The following TGFBRAP1 variants were observed in gnomAD, a reference collection of about 807,000 sequenced individuals.
TGFBRAP1 encodes transforming growth factor beta receptor associated protein 1.
A neutral mutation model predicts 83.2 loss-of-function variants in TGFBRAP1; 20 were observed. That is an observed-to-expected ratio of 0.24 (90% CI 0.17 to 0.35). TGFBRAP1 has a LOEUF of 0.35. Among genes scored for constraint, TGFBRAP1 ranks in the 10% least tolerant of loss-of-function variants. The pLI, the probability that TGFBRAP1 is intolerant of heterozygous loss-of-function variation, is 1.00. For synonymous variants in TGFBRAP1, 415 were observed against 459.8 expected, an observed-to-expected ratio of 0.90 and a Z score of 1.25; for missense variants, 950 against 1,099.4, an observed-to-expected ratio of 0.86 and a Z score of 1.92.
At chr2:105,316,444 T>C (rs1678860585) in intron 1 of TGFBRAP1, among the ~76,000 whole-genome samples, 1 of 75,080 alleles carries the variant, frequency 1.3e-5, no homozygotes, top group Admixed American at 1.5e-4. Context: ...TGTGTGTGTG[T>C]GTGTGTGTGT....
At chr2:105,260,890 TCTGA>T (rs1364928900), downstream of TGFBRAP1, among the ~76,000 whole-genome samples, 4 of 152,256 alleles carry the variant, frequency 2.6e-5, no homozygotes, top group East Asian at 3.8e-4. Flanking sequence ...AATTTGAGTT[TCTGA>T]CTATGTTTAC....
intron 4 of TGFBRAP1, among the ~76,000 whole-genome samples, chr2:105,288,701 C>A (rs910999854): frequency 6.6e-6 from 1 of 151,824 alleles, no homozygotes; most frequent in Non-Finnish European, 1.5e-5. Flanking sequence ...ATTAAAAAAC[C>A]ATGTAAGTTA....
intron 1 of TGFBRAP1, among the ~76,000 whole-genome samples, chr2:105,314,032 C>A (rs1313025109): frequency 6.6e-6 from 1 of 151,902 alleles, no homozygotes; most frequent in Non-Finnish European, 1.5e-5. Flanking sequence ...TTAGGGTGAG[C>A]TCTAATCAAA....
chr2:105,303,704 A>T (rs1301481913), intron 2 of TGFBRAP1, among the ~76,000 whole-genome samples: 1 of 152,238 alleles, frequency 6.6e-6, no homozygotes, highest in African/African-American at 2.4e-5. Flanking sequence ...TGAAGGCATT[A>T]TGCAACCTTG....
At chr2:105,277,745 C>G (rs1407153913) in intron 6 of TGFBRAP1, 74 bp from the exon 7 acceptor site, 1 of 1,363,984 alleles carries the variant, frequency 7.3e-7, no homozygotes, top group African/African-American at 1.4e-5. Context: ...CAGTGACACC[C>G]CCAGTCCAAG....
downstream of TGFBRAP1, among the ~76,000 whole-genome samples, chr2:105,263,446 CCTCCAA>C (rs1358601586): frequency 2.0e-5 from 3 of 152,216 alleles, no homozygotes; most frequent in African/African-American, 4.8e-5. Flanking sequence ...CTTGGCACCT[CCTCCAA>C]CTCCAAGAAA....
chr2:105,261,746 C>T (rs1365297253), downstream of TGFBRAP1, among the ~76,000 whole-genome samples: 1 of 151,980 alleles, frequency 6.6e-6, no homozygotes, highest in Non-Finnish European at 1.5e-5. Context: ...AGCAAGACTC[C>T]ATCTCAAAAA....
At chr2:105,305,765 C>T (rs1455118954) in intron 2 of TGFBRAP1, among the ~76,000 whole-genome samples, 2 of 151,928 alleles carry the variant, frequency 1.3e-5, no homozygotes, top group Non-Finnish European at 2.9e-5. Flanking sequence ...AAGTGATTCT[C>T]CTGCCTCAGC....
the TGFBRAP1 span, among the ~76,000 whole-genome samples, chr2:105,252,301 G>A: frequency 1.3e-5 from 2 of 152,196 alleles, no homozygotes; most frequent in African/African-American, 2.4e-5. Flanking sequence ...TTTTAAAAAT[G>A]CACAAGGAAC....
intron 1 of TGFBRAP1, among the ~76,000 whole-genome samples, chr2:105,326,429 G>A (rs981604546): frequency 2.6e-5 from 4 of 152,130 alleles, no homozygotes; most frequent in South Asian, 2.1e-4. Context: ...AAAAATTATC[G>A]AGTACTGGCC....
intron 1 of TGFBRAP1, among the ~76,000 whole-genome samples, chr2:105,326,650 TG>T (rs1679233352): frequency 6.6e-6 from 1 of 152,020 alleles, no homozygotes; most frequent in Non-Finnish European, 1.5e-5. Flanking sequence ...GCCTGGAAGA[TG>T]GAGGTTGCAG....
At position 105,269,740 on chromosome 2, in the gene TGFBRAP1, G is replaced by T; in HGVS notation, c.1973-35C>A. 1 of 1,464,382 alleles carries T rather than the reference G, an allele frequency of 6.8e-7. No individual in the cohort carries two copies. Among genetic ancestry groups the T allele is most frequent in the Non-Finnish European group, 9.0e-7 (1 of 1,111,382 alleles). The allele number at this position is 1,464,382 out of a possible 1,614,324, so 90.7% of individuals were successfully genotyped here. On this transcript the variant is annotated intron_variant, in intron 10 of 11. Transcript: ENST00000393359. The surrounding 1 kb of genome is among the most constrained non-coding windows in gnomAD (Gnocchi z 4.1). The stretch of plus-strand genomic sequence containing the variant: ...AGAACCTGCAGCTCAGAAAGAAAGG[G>T]GCTCGCCGGCCACCCGCCCAGCGAC...
At chr2:105,316,463 GCGCGCGCGCGCGCGCGCA>G (rs1196311299) in intron 1 of TGFBRAP1, among the ~76,000 whole-genome samples, 1 of 38,954 alleles carries the variant, frequency 2.6e-5, no homozygotes, top group Non-Finnish European at 5.4e-5. Context: ...GTGTGTGTGT[GCGCGCGCGCGCGCGCGCA>G]CGCGCACATA....
At chr2:105,252,832 G>A in the TGFBRAP1 span, among the ~76,000 whole-genome samples, 14 of 139,626 alleles carry the variant, frequency 1.0e-4, no homozygotes, top group East Asian at 2.2e-3. Context: ...GGCTCACTGC[G>A]ACCTCCACCT....
At chr2:105,301,033 G>A (rs541658793) in intron 2 of TGFBRAP1, among the ~76,000 whole-genome samples, 1 of 152,160 alleles carries the variant, frequency 6.6e-6, no homozygotes, top group Non-Finnish European at 1.5e-5. Flanking sequence ...AGACCAGCCT[G>A]GGCCATGTGG....
intron 2 of TGFBRAP1, among the ~76,000 whole-genome samples, chr2:105,306,029 C>A (rs1276975744): frequency 6.6e-6 from 1 of 151,580 alleles, no homozygotes; most frequent in East Asian, 2.0e-4. Flanking sequence ...TTACCAGGAA[C>A]CCTTACGGAG....
At chr2:105,317,341 G>A (rs1329244529) in intron 1 of TGFBRAP1, among the ~76,000 whole-genome samples, 3 of 151,972 alleles carry the variant, frequency 2.0e-5, no homozygotes, top group African/African-American at 4.8e-5. Context: ...GGAGGCTAAG[G>A]CAGGAGAATT....
chr2:105,283,629 G>C (rs1332917341), intron 5 of TGFBRAP1, among the ~76,000 whole-genome samples: 1 of 152,218 alleles, frequency 6.6e-6, no homozygotes, highest in East Asian at 1.9e-4. Flanking sequence ...AGCAAGGCCT[G>C]GGATGGCTAA....
the TGFBRAP1 span, among the ~76,000 whole-genome samples, chr2:105,256,516 C>T: frequency 3.3e-5 from 5 of 152,202 alleles, no homozygotes; most frequent in African/African-American, 7.2e-5. Context: ...CAAGATAAAA[C>T]AATGTAAACG....
Sources: gnomAD v4.1 joint callset for allele counts (sites outside exome capture counted in the v4.1 genomes callset) on GRCh38, gnomAD v4.1.1 for gene constraint, Gnocchi (gnomAD v3.1) non-coding constraint, MANE v1.5 for transcripts, NCBI Gene and HGNC (gene_info 2026-07-23, HGNC 2026-07-21) for gene names.